TMOD1: variants seen among roughly 807,000 people sequenced by gnomAD.
TMOD1 encodes tropomodulin-1.
A neutral mutation model predicts 40.6 loss-of-function variants in TMOD1; 17 were observed. That is an observed-to-expected ratio of 0.42 (90% CI 0.29 to 0.63). The LOEUF (loss-of-function observed/expected upper bound fraction) is 0.63. Among genes scored for constraint, TMOD1 ranks in the 20% least tolerant of loss-of-function variants. The probability of loss-of-function intolerance (pLI) is 0.22; values close to 1 mark genes in which losing one functional copy is unlikely to be tolerated. For synonymous variants in TMOD1, 181 were observed against 175.0 expected, an observed-to-expected ratio of 1.03 and a Z score of -0.27; for missense variants, 391 against 447.6, an observed-to-expected ratio of 0.87 and a Z score of 1.14.
intron 2 of TMOD1, among the ~76,000 whole-genome samples, chr9:97,538,410 C>G (rs938427796): frequency 6.6e-6 from 1 of 152,008 alleles, no homozygotes; most frequent in African/African-American, 2.4e-5. Context: ...TTCAGTGCCT[C>G]TCATGAATTG....
At chr9:97,505,902 T>A (rs1003663887) in intron 1 of TMOD1, among the ~76,000 whole-genome samples, 21 of 152,202 alleles carry the variant, frequency 1.4e-4, no homozygotes, top group African/African-American at 4.6e-4. Flanking sequence ...CCTTCTTCCA[T>A]GCTGCTCTTA....
intron 2 of TMOD1, among the ~76,000 whole-genome samples, chr9:97,545,569 G>A (rs1236632277): frequency 6.6e-6 from 1 of 152,188 alleles, no homozygotes; most frequent in Non-Finnish European, 1.5e-5. Context: ...AGGTTAGAAG[G>A]CAGCGGGTAG....
chr9:97,565,868 C>A lies in TMOD1; in HGVS notation c.639C>A (p.Leu213=). The A allele has an allele frequency of 1.2e-6, 2 of 1,614,130 alleles. No individual in the cohort carries two copies. Among genetic ancestry groups the A allele is most frequent in the Admixed American group, 1.7e-5 (1 of 60,016 alleles). ...TGCAGAATATCCCCATCCCCACCCTCAAGGCATATGCAGAAGCCCTGAAAG... is the reference window on the plus strand; with the variant it reads ...TGCAGAATATCCCCATCCCCACCCTAAAGGCATATGCAGAAGCCCTGAAAG... ...NNIRNIPIPT[L]KAYAEALKEN... is the part of the protein sequence containing the mutation. The change falls in exon 7 of 10, where the codon CTC becomes CTA. Residue 213 remains leucine, a synonymous_variant. Transcript: ENST00000259365.
chr9:97,556,704 A>G, intron 4 of TMOD1, among the ~76,000 whole-genome samples: 1 of 152,230 alleles, frequency 6.6e-6, no homozygotes. Flanking sequence ...CCAGGTAAGT[A>G]TGAAATGACA....
intron 8 of TMOD1, among the ~76,000 whole-genome samples, chr9:97,573,050 C>T (rs540323029): frequency 1.3e-5 from 2 of 152,352 alleles, no homozygotes; most frequent in East Asian, 3.9e-4. Context: ...CCTGAGGCCA[C>T]AGGCCAGGTT....
chr9:97,548,924 C>T (rs1483030028), intron 3 of TMOD1, among the ~76,000 whole-genome samples: 1 of 152,152 alleles, frequency 6.6e-6, no homozygotes, highest in Admixed American at 6.5e-5. Context: ...GGCTCAGGGC[C>T]ATTCACTCCA....
intron 2 of TMOD1, among the ~76,000 whole-genome samples, chr9:97,537,756 A>C (rs573634054): frequency 8.5e-5 from 13 of 152,390 alleles, no homozygotes; most frequent in African/African-American, 3.1e-4. Context: ...CAAAATTTAA[A>C]AAATTCTAAA....
At chr9:97,599,442 C>T (rs915997999) in intron 9 of TMOD1, among the ~76,000 whole-genome samples, 192 bp from the exon 10 acceptor site, 4 of 151,952 alleles carry the variant, frequency 2.6e-5, no homozygotes, top group Admixed American at 6.6e-5. Flanking sequence ...CTACCACAGA[C>T]CCTCATCAAT....
intron 2 of TMOD1, among the ~76,000 whole-genome samples, chr9:97,535,924 G>A (rs959053670): frequency 6.6e-6 from 1 of 152,196 alleles, no homozygotes; most frequent in Admixed American, 6.5e-5. Flanking sequence ...GAGGGAGGAA[G>A]AGTCCCAGAG....
chr9:97,588,444 TGA>T (rs752658938), intron 8 of TMOD1, among the ~76,000 whole-genome samples: 7 of 152,232 alleles, frequency 4.6e-5, no homozygotes, highest in Non-Finnish European at 1.0e-4. Context: ...TTTTTACTGT[TGA>T]GTTCTAATAG....
intron 1 of TMOD1, among the ~76,000 whole-genome samples, chr9:97,504,185 A>G (rs1025036592): frequency 6.6e-6 from 1 of 152,196 alleles, no homozygotes; most frequent in Non-Finnish European, 1.5e-5. Context: ...CCCATTTCAT[A>G]GGGGCTGCTT....
intron 2 of TMOD1, among the ~76,000 whole-genome samples, chr9:97,536,326 C>T (rs192800736): frequency 3.3e-5 from 5 of 152,096 alleles, no homozygotes; most frequent in Admixed American, 3.3e-4. Flanking sequence ...TAGGTTTGGC[C>T]TGGCCTGGCC....
chr9:97,505,702 GA>G (rs1406023911), intron 1 of TMOD1, among the ~76,000 whole-genome samples: 1 of 152,026 alleles, frequency 6.6e-6, no homozygotes, highest in Admixed American at 6.6e-5. Flanking sequence ...CTCATCTATA[GA>G]CATCTCTGCC....
intron 2 of TMOD1, among the ~76,000 whole-genome samples, chr9:97,544,311 G>A (rs1830323810): frequency 1.3e-5 from 2 of 152,180 alleles, no homozygotes; most frequent in Non-Finnish European, 2.9e-5. Flanking sequence ...GCCGAGGTGG[G>A]TGGATCATGA....
At chr9:97,546,134 T>TTCTCTCTC (rs750370680) in intron 2 of TMOD1, 51 bp from the exon 3 acceptor site, 4 of 1,539,180 alleles carry the variant, frequency 2.6e-6, no homozygotes, top group Admixed American at 4.1e-5. Flanking sequence ...CACTCTCTCT[T>TTCTCTCTC]TCTCTCTCTC....
chr9:97,526,715 AG>A (rs758116145), intron 2 of TMOD1, among the ~76,000 whole-genome samples: 70 of 152,312 alleles, frequency 4.6e-4, no homozygotes, highest in Admixed American at 2.1e-3. Flanking sequence ...ACTAGAAGTT[AG>A]GTGTTTCGCT....
chr9:97,511,095 C>G (rs937179460), intron 1 of TMOD1, among the ~76,000 whole-genome samples: 24 of 152,054 alleles, frequency 1.6e-4, no homozygotes, highest in African/African-American at 5.5e-4. Flanking sequence ...GACACACACA[C>G]ACACACACAC....
chr9:97,580,765 A>T lies in TMOD1; in HGVS notation c.871-10526A>T, dbSNP rs184503074. On this transcript the variant is annotated intron_variant, in intron 8 of 9. Transcript: ENST00000259365. ...GGTCAAGATACGAAATATTTCCATC[A>T]CAGGGATCTCTCATATTGCCCTTTT... Among the ~76,000 whole-genome samples, 295 of 152,284 alleles carry T rather than the reference A, an allele frequency of 1.9e-3. 1 individual carries two copies. Among genetic ancestry groups the T allele is most frequent in the African/African-American group, 6.0e-3 (250 of 41,558 alleles).
At chr9:97,591,172 G>C in intron 8 of TMOD1, 119 bp from the exon 9 acceptor site, 1 of 1,069,664 alleles carries the variant, frequency 9.3e-7, no homozygotes, top group African/African-American at 1.6e-5. Context: ...CTCTTGGAGA[G>C]GAGGCTAAAA....
Sources: allele counts gnomAD v4.1 joint callset (sites outside exome capture counted in the v4.1 genomes callset), GRCh38; gene constraint gnomAD v4.1.1; transcripts MANE v1.5; gene names NCBI Gene and HGNC (gene_info 2026-07-23, HGNC 2026-07-21).